The following MRC2 variants were observed in gnomAD, a reference collection of about 807,000 sequenced individuals.
MRC2 encodes C-type mannose receptor 2.
In MRC2, 84 loss-of-function variants were observed where a neutral mutation model predicts 206.2. That is an observed-to-expected ratio of 0.41 (90% CI 0.34 to 0.49). The LOEUF is 0.49. Ranked by LOEUF, MRC2 falls within the 20% of genes least tolerant of loss-of-function variation. The pLI, the probability that MRC2 is intolerant of heterozygous loss-of-function variation, is 0.31. For missense variants in MRC2, 1,676 were observed against 2,001.5 expected (o/e 0.84, Z 3.10); for synonymous variants, 798 against 800.0 (o/e 1.00, Z 0.04).
In MRC2 at chr17:62,688,963, A is replaced by G. The variant is rs567240359; in HGVS notation, c.3334+3A>G. ...CTTCATCTGCCAGAAGGGCACGGGT[A>G]TGTGTCACCAGTCACCTGGGAAACC... On this transcript the variant is annotated splice_donor_region_variant and intron_variant, in intron 23 of 29. Transcript: ENST00000303375. 1 of 1,611,914 alleles carries G rather than the reference A, an allele frequency of 6.2e-7. No individual in the cohort carries two copies. The highest frequency in any genetic ancestry group is 1.3e-5 in the African/African-American group (1 of 75,040).
rs781373094 is a variant in MRC2 at position 62,666,882 on chromosome 17, G to C, written c.973+12G>C. 42 of 1,611,462 alleles carry C rather than the reference G, an allele frequency of 2.6e-5. No individual in the cohort carries two copies. Among genetic ancestry groups the C allele is most frequent in the Non-Finnish European group, 3.6e-5 (42 of 1,178,144 alleles). On this transcript the variant is annotated intron_variant, in intron 5 of 29. Transcript: ENST00000303375. This position sits in a 1 kb window ranked among gnomAD's most constrained non-coding sequence, Gnocchi z 5.0. Reference sequence around the variant, plus strand: ...CAACTGGGAGAGTGGTGAGGCACAAGGTTGGGGGCGCAGGGCAGCATAGGG... The same window carrying C: ...CAACTGGGAGAGTGGTGAGGCACAACGTTGGGGGCGCAGGGCAGCATAGGG...
chr17:62,667,534 G>A lies in MRC2; in HGVS notation c.1117+1G>A. On this transcript the variant is annotated splice_donor_variant, in intron 6 of 29. Transcript: ENST00000303375. LOFTEE classifies it high-confidence loss of function. The surrounding 1 kb of genome is among the most constrained non-coding windows in gnomAD (Gnocchi z 4.1). ...GCCACGGCCGAGCCCACCCCTCCAG[G>A]TGAGCCAGGGACTGTGCCGCAGGGT... 6.2e-7 allele frequency: 1 copy of A among 1,609,462 alleles called. No homozygotes were observed. Among genetic ancestry groups the A allele is most frequent in the Non-Finnish European group, 8.5e-7 (1 of 1,179,032 alleles).
chr17:62,644,942 A>G (rs928276808), intron 1 of MRC2, among the ~76,000 whole-genome samples: 1 of 151,990 alleles, frequency 6.6e-6, no homozygotes, highest in Non-Finnish European at 1.5e-5. Context: ...TATCTTTGTG[A>G]CTTAGCCCAG....
chr17:62,629,142 C>A (rs187341451), intron 1 of MRC2, among the ~76,000 whole-genome samples: 11 of 152,244 alleles, frequency 7.2e-5, no homozygotes, highest in Non-Finnish European at 1.6e-4. Flanking sequence ...GGCCGGGTAA[C>A]CCCCTAACCC....
rs60943593 is a variant in MRC2, at chr17:62,672,787, T to C, written c.1461+635T>C. On this transcript the variant is annotated intron_variant, in intron 8 of 29. Transcript: ENST00000303375. The surrounding 1 kb of genome is among the most constrained non-coding windows in gnomAD (Gnocchi z 4.5). ...CAGGCGGATCACTTGAGGTGAGGAG[T>C]TCGAGACCAGCCTGGCCAACATGGT... Among the ~76,000 whole-genome samples the C allele has an allele frequency of 0.021, 3,202 of 151,688 alleles. 119 individuals are homozygous for C. The highest frequency in any genetic ancestry group is 0.13 in the East Asian group (647 of 5,130).
intron 12 of MRC2, 29 bp downstream of exon 12, chr17:62,677,515 G>A: frequency 6.4e-7 from 1 of 1,559,842 alleles, no homozygotes; most frequent in Admixed American, 1.8e-5. Flanking sequence ...CGGGTAGGGG[G>A]CAGGGGGAGG....
At chr17:62,681,719 C>G (rs2088968462) in intron 18 of MRC2, 118 bp from the exon 19 acceptor site, 1 of 808,300 alleles carries the variant, frequency 1.2e-6, no homozygotes, top group Non-Finnish European at 2.0e-6. Context: ...CCTACAGCCA[C>G]TAAACCCCAG....
chr17:62,680,782 C>G lies in MRC2; in HGVS notation c.2474-18C>G. The G allele has an allele frequency of 1.9e-6, 3 of 1,590,664 alleles. No individual in the cohort carries two copies. Among genetic ancestry groups the G allele is most frequent in the Non-Finnish European group, 2.6e-6 (3 of 1,168,894 alleles). On this transcript the variant is annotated intron_variant, in intron 16 of 29. Coordinates refer to ENST00000303375, the MANE Select transcript of MRC2 (RefSeq NM_006039.5). This position sits in a 1 kb window ranked among gnomAD's most constrained non-coding sequence, Gnocchi z 4.8. The stretch of plus-strand genomic sequence containing the variant: ...CCTCTGCCTGGCCGCCGCTCCCACG[C>G]CCGCGCTGCTCCTGCAGGCCGACGG...
At chr17:62,646,488 G>A (rs975014937) in intron 1 of MRC2, among the ~76,000 whole-genome samples, 1 of 152,186 alleles carries the variant, frequency 6.6e-6, no homozygotes, top group Admixed American at 6.5e-5. Context: ...TGATAGAAGT[G>A]TCACTGTGTA....
chr17:62,631,488 T>G (rs1451159408), intron 1 of MRC2, among the ~76,000 whole-genome samples: 1 of 152,020 alleles, frequency 6.6e-6, no homozygotes, highest in Non-Finnish European at 1.5e-5. Context: ...CATACAGCGT[T>G]TCCATCGCAT....
Position 62,675,716 on chromosome 17 carries a change from C to T in MRC2, c.1570-74C>T. 2.5e-6 allele frequency: 3 copies of T among 1,214,142 alleles called. No homozygotes were observed. Among genetic ancestry groups the T allele is most frequent in the Non-Finnish European group, 3.6e-6 (3 of 822,142 alleles). 75.2% of individuals were successfully genotyped at this position (1,214,142 alleles called of 1,614,324 possible). ...GTGATGTCCCTGATGGCATCTCCCA[C>T]CACAGGATTTATGGGTGAGGGTGGA... On this transcript the variant is annotated intron_variant, in intron 9 of 29. Transcript: ENST00000303375. This position sits in a 1 kb window ranked among gnomAD's most constrained non-coding sequence, Gnocchi z 4.1.
chr17:62,644,095 G>A (rs920579058), intron 1 of MRC2, among the ~76,000 whole-genome samples: 1 of 152,066 alleles, frequency 6.6e-6, no homozygotes, highest in African/African-American at 2.4e-5. Context: ...ATTTAACAGG[G>A]GTGATTGTAG....
At chr17:62,659,276 A>G (rs1389789747) in intron 1 of MRC2, among the ~76,000 whole-genome samples, 1 of 152,010 alleles carries the variant, frequency 6.6e-6, no homozygotes, top group Non-Finnish European at 1.5e-5. Flanking sequence ...GTGGTGGCTC[A>G]CTCTTGTAAT....
At position 62,654,344 on chromosome 17, in the gene MRC2, C is replaced by T. The variant is rs79169868; in HGVS notation, c.119-10204C>T. Among the ~76,000 whole-genome samples the T allele has an allele frequency of 2.0e-3, 306 of 152,066 alleles. 2 individuals carry two copies. The highest frequency in any genetic ancestry group is 6.7e-3 in the African/African-American group (278 of 41,532). ...GCTCCTGCGGTTGGGCAGCTTGGAC[C>T]GCCTTCCTTGTCCTTGGAATGCCTT... On this transcript the variant is annotated intron_variant, in intron 1 of 29. Transcript: ENST00000303375.
rs1301689432 is a variant in MRC2, at chr17:62,667,241, G to C, written c.974-149G>C. ...GAAAGCGCGGAGGACCCCGTGGTCTGGGGCGGAGCTGGAGCTGAGCACCAG... is the reference window on the plus strand; with the variant it reads ...GAAAGCGCGGAGGACCCCGTGGTCTCGGGCGGAGCTGGAGCTGAGCACCAG... On this transcript the variant is annotated intron_variant, in intron 5 of 29. Transcript: ENST00000303375. This position sits in a 1 kb window ranked among gnomAD's most constrained non-coding sequence, Gnocchi z 4.1. 43 of 1,043,582 alleles carry C rather than the reference G, an allele frequency of 4.1e-5. No homozygotes were observed. Among genetic ancestry groups the C allele is most frequent in the Non-Finnish European group, 4.0e-6 (3 of 742,930 alleles). 64.6% of individuals were successfully genotyped at this position (1,043,582 alleles called of 1,614,324 possible).
intron 1 of MRC2, among the ~76,000 whole-genome samples, chr17:62,654,966 A>C (rs1202680902): frequency 6.6e-6 from 1 of 152,200 alleles, no homozygotes; most frequent in Admixed American, 6.5e-5. Flanking sequence ...CAACAAAGCA[A>C]GACTCCGTCT....
chr17:62,645,525 ATATTTTTTT>A (rs1440778904), intron 1 of MRC2, among the ~76,000 whole-genome samples: 71 of 38,512 alleles, frequency 1.8e-3, no homozygotes, highest in African/African-American at 3.2e-3. Context: ...ATATATATAT[ATATTTTTTT>A]TTTTTTTTTT....
rs1256234030 is a variant in MRC2, at chr17:62,680,126, A to G, written c.2299-44A>G. 6.2e-7 allele frequency: 1 copy of G among 1,612,326 alleles called. No individual in the cohort carries two copies. The highest frequency in any genetic ancestry group is 8.5e-7 in the Non-Finnish European group (1 of 1,179,218). ...TGTTCCGGGCATGGGGGCGGCCTGCACCTTGCGCCTCACGTTCCTCTTCCC... is the reference window on the plus strand; with the variant it reads ...TGTTCCGGGCATGGGGGCGGCCTGCGCCTTGCGCCTCACGTTCCTCTTCCC... On this transcript the variant is annotated intron_variant, in intron 14 of 29. Coordinates refer to ENST00000303375, the MANE Select transcript of MRC2 (RefSeq NM_006039.5). This position sits in a 1 kb window ranked among gnomAD's most constrained non-coding sequence, Gnocchi z 4.8.
Position 62,682,230 on chromosome 17 carries a change from C to A in MRC2, c.2804-5C>A. ...GGTGACTGCCCTCCCCTCCCCTTTC[C>A]GCAGAGGACTGGGGGGACCAGAGGT... is the stretch of plus-strand genomic sequence containing the variant. On this transcript the variant is annotated splice_polypyrimidine_tract_variant and splice_region_variant and intron_variant, in intron 19 of 29. Coordinates refer to ENST00000303375, the MANE Select transcript of MRC2 (RefSeq NM_006039.5). The A allele has an allele frequency of 6.3e-7, 1 of 1,575,290 alleles. No homozygotes were observed. Among genetic ancestry groups the A allele is most frequent in the Non-Finnish European group, 8.6e-7 (1 of 1,159,972 alleles).
Sources: allele counts gnomAD v4.1 joint callset (sites outside exome capture counted in the v4.1 genomes callset), GRCh38; gene constraint gnomAD v4.1.1; non-coding constraint Gnocchi (gnomAD v3.1); transcripts MANE v1.5; gene names NCBI Gene and HGNC (gene_info 2026-07-23, HGNC 2026-07-21).